The following NKAIN3 variants were observed in gnomAD, a reference collection of about 807,000 sequenced individuals.
The protein encoded by NKAIN3 is sodium/potassium-transporting ATPase subunit beta-1-interacting protein 3.
In NKAIN3, 25 loss-of-function variants were observed where a neutral mutation model predicts 30.2. The ratio of observed to expected loss-of-function variants is 0.83; its 90% CI spans 0.60 to 1.16. The LOEUF is 1.16. NKAIN3 is among the 50% of genes most tolerant of loss of function. The pLI, the probability that NKAIN3 is intolerant of heterozygous loss-of-function variation, is 0.00. For missense variants in NKAIN3, 225 were observed against 254.1 expected (o/e 0.89, Z 0.78); for synonymous variants, 91 against 89.6 (o/e 1.02, Z -0.09).
At chr8:62,636,987 T>A (rs551544362) in intron 3 of NKAIN3, among the ~76,000 whole-genome samples, 24 of 152,088 alleles carry the variant, frequency 1.6e-4, no homozygotes, top group South Asian at 1.2e-3. Flanking sequence ...TACGTGAAAA[T>A]TTTTTTTCCA....
intron 1 of NKAIN3, among the ~76,000 whole-genome samples, chr8:62,331,022 G>A (rs1265763165): frequency 6.7e-6 from 1 of 149,098 alleles, no homozygotes; most frequent in African/African-American, 2.5e-5. Flanking sequence ...CTATATATAT[G>A]TATGTATCTC....
At chr8:62,802,568 A>C (rs534055660) in intron 4 of NKAIN3, among the ~76,000 whole-genome samples, 1 of 152,306 alleles carries the variant, frequency 6.6e-6, no homozygotes, top group South Asian at 2.1e-4. Flanking sequence ...AAATGTGGAG[A>C]GATTTTGTCA....
In NKAIN3 at chr8:62,319,429, C is replaced by G. The variant is rs189191031; in HGVS notation, c.54+70302C>G. 1.5e-3 allele frequency among the ~76,000 whole-genome samples: 233 copies of G among 151,932 alleles called. 1 individual carries two copies. Among genetic ancestry groups the G allele is most frequent in the African/African-American group, 5.0e-3 (208 of 41,462 alleles). On this transcript the variant is annotated intron_variant, in intron 1 of 6. Transcript: ENST00000623646. ...GTTCTTTTAATTGTGATGTTAGGGTCTCAATTTTAGATCTTTCCTGCTTTC... is the reference window on the plus strand; with the variant it reads ...GTTCTTTTAATTGTGATGTTAGGGTGTCAATTTTAGATCTTTCCTGCTTTC...
intron 1 of NKAIN3, among the ~76,000 whole-genome samples, chr8:62,379,398 G>A (rs953123888): frequency 6.6e-6 from 1 of 152,138 alleles, no homozygotes; most frequent in African/African-American, 2.4e-5. Context: ...TGATATGTGA[G>A]GACATGAGAT....
intron 5 of NKAIN3, among the ~76,000 whole-genome samples, chr8:62,946,635 C>T (rs566167642): frequency 7.9e-5 from 12 of 152,238 alleles, no homozygotes; most frequent in Middle Eastern, 3.4e-3. Flanking sequence ...ATTTATATCA[C>T]GGAACAAGAA....
At chr8:62,738,444 C>CA (rs1815746473) in intron 3 of NKAIN3, among the ~76,000 whole-genome samples, 1 of 151,798 alleles carries the variant, frequency 6.6e-6, no homozygotes, top group Non-Finnish European at 1.5e-5. Context: ...TACTAAAATA[C>CA]AAAAATTAGC....
At chr8:62,732,985 C>A (rs1213916033) in intron 3 of NKAIN3, among the ~76,000 whole-genome samples, 1 of 151,818 alleles carries the variant, frequency 6.6e-6, no homozygotes, top group African/African-American at 2.4e-5. Flanking sequence ...CTTTTGCTTT[C>A]TATTCATTGT....
intron 1 of NKAIN3, among the ~76,000 whole-genome samples, chr8:62,444,468 C>T (rs184628817): frequency 5.3e-5 from 8 of 152,258 alleles, no homozygotes; most frequent in Admixed American, 2.6e-4. Flanking sequence ...CCACCTGTGA[C>T]TGAGAACATG....
At chr8:62,544,309 A>AT (rs570599279) in intron 1 of NKAIN3, among the ~76,000 whole-genome samples, 1 of 152,052 alleles carries the variant, frequency 6.6e-6, no homozygotes, top group African/African-American at 2.4e-5. Context: ...AGACTTGTGT[A>AT]TTTTTTTCAA....
intron 1 of NKAIN3, among the ~76,000 whole-genome samples, chr8:62,362,820 G>A (rs1816608393): frequency 6.6e-6 from 1 of 152,192 alleles, no homozygotes; most frequent in African/African-American, 2.4e-5. Context: ...AGAAAGTAAA[G>A]TGAGATATAG....
chr8:62,924,689 T>C (rs1822387025), intron 5 of NKAIN3, among the ~76,000 whole-genome samples: 1 of 152,226 alleles, frequency 6.6e-6, no homozygotes, highest in Non-Finnish European at 1.5e-5. Context: ...ACCTCCTGTC[T>C]TAGTTCTTCT....
At chr8:62,349,679 G>A (rs913267248) in intron 1 of NKAIN3, among the ~76,000 whole-genome samples, 1 of 152,150 alleles carries the variant, frequency 6.6e-6, no homozygotes. Context: ...AAGCAGGCCA[G>A]GCTCAGTAGC....
intron 1 of NKAIN3, among the ~76,000 whole-genome samples, chr8:62,421,199 T>G (rs1435926374): frequency 6.6e-6 from 1 of 152,132 alleles, no homozygotes; most frequent in Non-Finnish European, 1.5e-5. Context: ...GCAGAAAGCA[T>G]CAGCTCTCCT....
At chr8:62,770,903 G>A (rs992292585) in intron 4 of NKAIN3, among the ~76,000 whole-genome samples, 1 of 151,956 alleles carries the variant, frequency 6.6e-6, no homozygotes, top group Admixed American at 6.6e-5. Flanking sequence ...GGTGGGCGGG[G>A]GGTGGAGGGA....
At chr8:62,392,830 C>T (rs981727415) in intron 1 of NKAIN3, among the ~76,000 whole-genome samples, 2 of 151,886 alleles carry the variant, frequency 1.3e-5, no homozygotes, top group Admixed American at 6.6e-5. Context: ...TTAAATATTT[C>T]AAATACCCTC....
At chr8:62,867,522 T>C (rs1222901731) in intron 4 of NKAIN3, among the ~76,000 whole-genome samples, 3 of 152,170 alleles carry the variant, frequency 2.0e-5, no homozygotes, top group African/African-American at 4.8e-5. Context: ...AGGAGAGAAC[T>C]GAGAATTGAT....
intron 1 of NKAIN3, among the ~76,000 whole-genome samples, chr8:62,512,679 G>A (rs1306115212): frequency 6.6e-6 from 1 of 152,082 alleles, no homozygotes; most frequent in Non-Finnish European, 1.5e-5. Flanking sequence ...GTCCTAAATG[G>A]CAATGTGTAC....
At position 62,975,764 on chromosome 8, in the gene NKAIN3, A is replaced by C. The variant is rs552024621; in HGVS notation, c.*10357A>C. Among the ~76,000 whole-genome samples the C allele has an allele frequency of 1.8e-4, 27 of 152,078 alleles. No individual in the cohort carries two copies. The highest frequency in any genetic ancestry group is 6.3e-4 in the African/African-American group (26 of 41,508). On this transcript the variant is annotated 3_prime_UTR_variant, in exon 7 of 7. Transcript: ENST00000623646. ...ATTGTGATGTTAGCGTGTTGATTGT[A>C]GATGTTTAGATTTTAGATGTTTAGA...
chr8:62,463,327 T>C (rs569897656), intron 1 of NKAIN3, among the ~76,000 whole-genome samples: 30 of 152,286 alleles, frequency 2.0e-4, no homozygotes, highest in Middle Eastern at 3.4e-3. Context: ...CCTCAGAAAA[T>C]GTTGAAAATC....
Sources: allele counts gnomAD v4.1 joint callset (sites outside exome capture counted in the v4.1 genomes callset), GRCh38; gene constraint gnomAD v4.1.1; transcripts MANE v1.5; gene names NCBI Gene and HGNC (gene_info 2026-07-23, HGNC 2026-07-21).